The following AIG1 variants were observed in gnomAD, a reference collection of about 807,000 sequenced individuals.
AIG1 encodes androgen-induced gene 1 protein.
AIG1 carries 23 observed loss-of-function variants against 31.4 expected under a neutral mutation model. The ratio of observed to expected loss-of-function variants is 0.73; its 90% confidence interval spans 0.53 to 1.04. AIG1 has a LOEUF of 1.04. Among genes scored for constraint, AIG1 ranks in the 50% least tolerant of loss-of-function variants. The pLI is 0.00. For synonymous variants in AIG1, 100 were observed against 110.5 expected (o/e 0.90, Z 0.60); for missense variants, 274 against 295.0 (o/e 0.93, Z 0.52).
At chr6:143,278,962 A>G (rs1390463067) in intron 3 of AIG1, among the ~76,000 whole-genome samples, 1 of 152,150 alleles carries the variant, frequency 6.6e-6, no homozygotes, top group Admixed American at 6.5e-5. Flanking sequence ...AAGTACATTT[A>G]TTTAAGAAAA....
intron 1 of AIG1, among the ~76,000 whole-genome samples, chr6:143,109,113 GT>G (rs59696016): frequency 0.22 from 33,881 of 151,432 alleles, 7,646 homozygotes; most frequent in African/African-American, 0.56. Flanking sequence ...TTACGTTGCT[GT>G]TTTTTTTTCC....
chr6:143,255,708 T>G (rs1407026672), intron 3 of AIG1, among the ~76,000 whole-genome samples: 1 of 152,162 alleles, frequency 6.6e-6, no homozygotes, highest in East Asian at 1.9e-4. Flanking sequence ...TGAGAGTATA[T>G]GCCTATATGG....
At chr6:143,221,415 C>G (rs903485663) in intron 3 of AIG1, among the ~76,000 whole-genome samples, 1 of 151,750 alleles carries the variant, frequency 6.6e-6, no homozygotes, top group East Asian at 1.9e-4. Context: ...GCATTTTAGT[C>G]CAAACTACAC....
chr6:143,135,961 C>T (rs992044579), intron 1 of AIG1, among the ~76,000 whole-genome samples: 3 of 152,134 alleles, frequency 2.0e-5, no homozygotes, highest in African/African-American at 7.2e-5. Context: ...ATTTTCTGCC[C>T]TTTCCATAAT....
chr6:143,241,622 A>T lies in AIG1; in HGVS notation c.400-42488A>T, dbSNP rs1453841810. Among the ~76,000 whole-genome samples, 4 of 152,192 alleles carry T rather than the reference A, an allele frequency of 2.6e-5. No individual in the cohort carries two copies. In the East Asian group the frequency reaches 7.7e-4, roughly 29 times the overall value. On this transcript the variant is annotated intron_variant, in intron 3 of 5. Transcript: ENST00000357847. ...CTGTTCTAAGGAATTTGCAAACATC[A>T]ACTCATTATAATACTCAGGAAAACC...
chr6:143,221,296 AG>A (rs1383540493), intron 3 of AIG1, among the ~76,000 whole-genome samples: 1 of 152,190 alleles, frequency 6.6e-6, no homozygotes, highest in Non-Finnish European at 1.5e-5. Context: ...GAATGTGATA[AG>A]GATTGATCAG....
chr6:143,249,967 T>C (rs1794901807), intron 3 of AIG1, among the ~76,000 whole-genome samples: 1 of 152,146 alleles, frequency 6.6e-6, no homozygotes. Context: ...ACCAGGAAAG[T>C]GGAATACTGA....
intron 3 of AIG1, among the ~76,000 whole-genome samples, chr6:143,211,086 G>A (rs1421047407): frequency 1.3e-5 from 2 of 152,146 alleles, no homozygotes; most frequent in East Asian, 1.9e-4. Context: ...TTTTATCTGT[G>A]AGGTAGGCAC....
At chr6:143,152,989 G>A (rs188543762) in intron 2 of AIG1, among the ~76,000 whole-genome samples, 69 of 152,286 alleles carry the variant, frequency 4.5e-4, no homozygotes, top group South Asian at 3.9e-3. Context: ...AACTGCAGGC[G>A]TATGGCAAGA....
At chr6:143,124,788 A>G (rs530100852) in intron 1 of AIG1, among the ~76,000 whole-genome samples, 5 of 152,178 alleles carry the variant, frequency 3.3e-5, no homozygotes, top group Non-Finnish European at 7.4e-5. Context: ...GGGGAATGCC[A>G]GATGCTTATA....
upstream of AIG1, chr6:143,060,883 C>G: frequency 7.2e-7 from 1 of 1,386,656 alleles, no homozygotes. Flanking sequence ...CTCCCTCACG[C>G]CCGCCCTCCT....
intron 3 of AIG1, among the ~76,000 whole-genome samples, chr6:143,266,598 T>C (rs985456889): frequency 1.3e-5 from 2 of 151,984 alleles, no homozygotes; most frequent in African/African-American, 2.4e-5. Flanking sequence ...TTGTACACTT[T>C]AAATATATAC....
At position 143,324,705 on chromosome 6, in the gene AIG1, G is replaced by A. The variant is rs963490423; in HGVS notation, c.516-8577G>A. Among the ~76,000 whole-genome samples, 7 of 152,300 alleles carry A rather than the reference G, an allele frequency of 4.6e-5. No individual in the cohort carries two copies. In the East Asian group the frequency reaches 1.4e-3, roughly 29 times the overall value. On this transcript the variant is annotated intron_variant, in intron 4 of 5. Transcript: ENST00000357847. ...AGCACATGTGCATTCAGTGTGGTTA[G>A]CTAATTAGCTCTTATTGCATATGAG...
rs1798124248 is a variant in AIG1 at position 143,292,518 on chromosome 6, A to C, written c.515+8293A>C. 6.6e-6 allele frequency among the ~76,000 whole-genome samples: 1 copy of C among 152,190 alleles called. No homozygotes were observed. The highest frequency in any genetic ancestry group is 1.5e-5 in the Non-Finnish European group (1 of 68,018). On this transcript the variant is annotated intron_variant, in intron 4 of 5. Transcript: ENST00000357847. This position sits in a 1 kb window ranked among gnomAD's most constrained non-coding sequence, Gnocchi z 4.9. ...CCTCTAGAAGCCGAAAAAGGCAAGG[A>C]AAGGGATTCTCCCCTAGGGCTTCCA...
At chr6:143,152,266 C>T (rs971818660) in intron 2 of AIG1, among the ~76,000 whole-genome samples, 2 of 152,166 alleles carry the variant, frequency 1.3e-5, no homozygotes, top group African/African-American at 4.8e-5. Context: ...TTACTTTTAT[C>T]CTCAGGTAAC....
At chr6:143,242,815 G>T (rs934931217) in intron 3 of AIG1, among the ~76,000 whole-genome samples, 1 of 152,192 alleles carries the variant, frequency 6.6e-6, no homozygotes, top group Non-Finnish European at 1.5e-5. Context: ...TTTACAAATA[G>T]TAATGTTTCA....
chr6:143,281,318 A>C (rs1287461928), intron 3 of AIG1, among the ~76,000 whole-genome samples: 1 of 152,216 alleles, frequency 6.6e-6, no homozygotes, highest in Non-Finnish European at 1.5e-5. Flanking sequence ...ATTATCTGGA[A>C]AAATATTGAC....
At chr6:143,144,867 C>T (rs755792155) in intron 2 of AIG1, among the ~76,000 whole-genome samples, 2 of 152,188 alleles carry the variant, frequency 1.3e-5, no homozygotes, top group Non-Finnish European at 2.9e-5. Flanking sequence ...GTTTCATTTA[C>T]TGCTTTATCC....
At chr6:143,136,630 A>T (rs1047592167) in intron 1 of AIG1, among the ~76,000 whole-genome samples, 4 of 152,214 alleles carry the variant, frequency 2.6e-5, no homozygotes, top group Non-Finnish European at 5.9e-5. Context: ...AGGTGAGTGA[A>T]AATGGAAGTG....
Sources: gnomAD v4.1 joint callset for allele counts (sites outside exome capture counted in the v4.1 genomes callset) on GRCh38, gnomAD v4.1.1 for gene constraint, Gnocchi (gnomAD v3.1) non-coding constraint, MANE v1.5 for transcripts, NCBI Gene and HGNC (gene_info 2026-07-23, HGNC 2026-07-21) for gene names.